MMS22L: variants seen among roughly 807,000 people sequenced by gnomAD.
MMS22L encodes the protein MMS22 like, DNA repair protein.
MMS22L carries 74 observed loss-of-function variants against 159.1 expected under a neutral mutation model. The observed-to-expected ratio is 0.47, with a 90% CI of 0.39 to 0.56. MMS22L has a LOEUF of 0.56. Among genes scored for constraint, MMS22L ranks in the 20% least tolerant of loss-of-function variants. The pLI, the probability that MMS22L is intolerant of heterozygous loss-of-function variation, is 0.00. For synonymous variants in MMS22L, 517 were observed against 506.9 expected, an observed-to-expected ratio of 1.02 and a Z score of -0.27; for missense variants, 1,351 against 1,422.1, an observed-to-expected ratio of 0.95 and a Z score of 0.80.
At chr6:97,270,750 C>T (rs890883259) in intron 6 of MMS22L, 6 of 152,116 alleles carry the variant, frequency 3.9e-5, no homozygotes, top group African/African-American at 1.4e-4. Context: ...ACAGCAAGAA[C>T]AGACAAGACA....
chr6:97,195,624 TAG>T (rs776605217), intron 14 of MMS22L, among the ~76,000 whole-genome samples: 10 of 152,188 alleles, frequency 6.6e-5, no homozygotes, highest in Admixed American at 1.3e-4. Flanking sequence ...TGTCTGATGC[TAG>T]AGATACAAAA....
At chr6:97,267,795 C>A in intron 8 of MMS22L, 77 bp downstream of exon 8, 1 of 1,254,114 alleles carries the variant, frequency 8.0e-7, no homozygotes, top group South Asian at 2.8e-5. Flanking sequence ...AGTTTAAATT[C>A]TTACAGATTA....
At chr6:97,212,533 C>T (rs998730424) in intron 14 of MMS22L, among the ~76,000 whole-genome samples, 2 of 152,104 alleles carry the variant, frequency 1.3e-5, no homozygotes, top group Admixed American at 1.3e-4. Context: ...TAAAAGCAAT[C>T]ACCGCTAGGT....
intron 14 of MMS22L, among the ~76,000 whole-genome samples, chr6:97,210,568 G>A (rs1808262573): frequency 6.6e-6 from 1 of 151,748 alleles, no homozygotes; most frequent in African/African-American, 2.4e-5. Flanking sequence ...CAAGTTCCTG[G>A]TGCCCACTAG....
At position 97,283,124 on chromosome 6, in the gene MMS22L, G is replaced by A. The variant is rs1228260836; in HGVS notation, c.-105C>T. 1 of 152,266 alleles carries A rather than the reference G, an allele frequency of 6.6e-6. No individual in the cohort carries two copies. The highest frequency in any genetic ancestry group is 2.4e-5 in the African/African-American group (1 of 41,462). 9.4% of individuals were successfully genotyped at this position (152,266 alleles called of 1,614,324 possible). A position where few individuals can be genotyped will look rare whatever the true frequency, so the allele number is the denominator to read the frequency against. On this transcript the variant is annotated 5_prime_UTR_variant, in exon 1 of 25. Transcript: ENST00000683635. ...CTCACATTTCCAGCTCCCGAAACCTGCCTCCTGTGACCCAGACCACCAACA... is the reference window on the plus strand; with the variant it reads ...CTCACATTTCCAGCTCCCGAAACCTACCTCCTGTGACCCAGACCACCAACA...
chr6:97,187,834 T>C (rs1805411163), intron 14 of MMS22L, among the ~76,000 whole-genome samples: 1 of 152,168 alleles, frequency 6.6e-6, no homozygotes, highest in Non-Finnish European at 1.5e-5. Context: ...ATATTTCGCA[T>C]AACTACCCAA....
rs753770730 is a variant in MMS22L, at chr6:97,151,812, C to T, written c.3441G>A (p.Gly1147=). Residue 1147 remains glycine (G), a synonymous_variant, in exon 23 of 25, where the codon GGG becomes GGA. Coordinates refer to ENST00000683635, the MANE Select transcript of MMS22L (RefSeq NM_001350599.2). ...GCTGGGAGGAAGGTTCTTCTTCTGA[C>T]CCCACTTGGCAGGCTTTTACCATGT... ...LQYMVKACQV[G]SEEEPSSQLT... is the part of the protein sequence containing the mutation. 15 of 1,613,602 alleles carry T rather than the reference C, an allele frequency of 9.3e-6. No individual in the cohort carries two copies. Among genetic ancestry groups the T allele is most frequent in the Non-Finnish European group, 1.3e-5 (15 of 1,179,634 alleles).
intron 22 of MMS22L, among the ~76,000 whole-genome samples, chr6:97,153,833 G>C (rs1801572688): frequency 6.6e-6 from 1 of 152,016 alleles, no homozygotes; most frequent in Admixed American, 6.6e-5. Context: ...ATATTCCATT[G>C]TATAAATATA....
At position 97,165,288 on chromosome 6, in the gene MMS22L, G is replaced by A. The variant is rs190968515; in HGVS notation, c.3179C>T (p.Pro1060Leu). Reference sequence around the variant, plus strand: ...GCATTTCTTTAGAGATGATATTGGTGGAATAGTGGCTGTGTTTCTCAATGC... The same window carrying A: ...GCATTTCTTTAGAGATGATATTGGTAGAATAGTGGCTGTGTTTCTCAATGC... ...LLALRNTATIPPISSLKKCIV... is the reference protein window; with the variant it reads ...LLALRNTATILPISSLKKCIV... Residue 1060 changes from proline (P) to leucine (L), a missense_variant, in exon 21 of 25, where the codon CCA (proline) becomes CTA (leucine). Pro to Leu is a moderately conservative substitution (Grantham distance 98). Transcript: ENST00000683635. 6.2e-6 allele frequency: 10 copies of A among 1,613,162 alleles called. No individual in the cohort carries two copies. The highest frequency in any genetic ancestry group is 8.5e-6 in the Non-Finnish European group (10 of 1,179,482).
At chr6:97,281,502 CA>C in intron 2 of MMS22L, 140 bp from the exon 3 acceptor site, 2 of 619,700 alleles carry the variant, frequency 3.2e-6, no homozygotes, top group Non-Finnish European at 5.4e-6. Context: ...TTTACACATT[CA>C]AGATTACAAT....
At chr6:97,224,866 T>A (rs1440332520) in intron 14 of MMS22L, among the ~76,000 whole-genome samples, 6 of 151,944 alleles carry the variant, frequency 3.9e-5, no homozygotes, top group African/African-American at 1.4e-4. Context: ...TATATGCATG[T>A]AACAAAACTG....
chr6:97,182,962 T>C (rs1045263797), intron 15 of MMS22L, among the ~76,000 whole-genome samples: 2 of 152,152 alleles, frequency 1.3e-5, no homozygotes, highest in Admixed American at 6.5e-5. Flanking sequence ...TAATCTTTTG[T>C]GATTATTTTT....
At chr6:97,233,792 TA>T in intron 12 of MMS22L, 68 bp downstream of exon 12, 1 of 1,494,792 alleles carries the variant, frequency 6.7e-7, no homozygotes, top group Non-Finnish European at 8.9e-7. Flanking sequence ...AATTAAACCA[TA>T]AAGACATTCC....
chr6:97,219,834 T>G (rs1223658023), intron 14 of MMS22L, among the ~76,000 whole-genome samples: 1 of 152,182 alleles, frequency 6.6e-6, no homozygotes, highest in Non-Finnish European at 1.5e-5. Flanking sequence ...TACTGGCTCC[T>G]CCCATATATG....
At chr6:97,243,935 G>A (rs1383987717) in intron 11 of MMS22L, among the ~76,000 whole-genome samples, 1 of 152,100 alleles carries the variant, frequency 6.6e-6, no homozygotes, top group East Asian at 1.9e-4. Context: ...AGGTCTCTCA[G>A]CCGTGGATAC....
intron 14 of MMS22L, among the ~76,000 whole-genome samples, chr6:97,210,726 T>C (rs1487803196): frequency 1.3e-5 from 2 of 151,932 alleles, no homozygotes; most frequent in Admixed American, 6.6e-5. Flanking sequence ...AATCTCTAAA[T>C]TAGGCAAAAT....
Position 97,179,565 on chromosome 6 carries a change from G to T in MMS22L, c.2385-6C>A. The T allele has an allele frequency of 6.3e-7, 1 of 1,587,988 alleles. No homozygotes were observed. The highest frequency in any genetic ancestry group is 8.5e-7 in the Non-Finnish European group (1 of 1,170,682). ...AAAGTGCTTCACATAATGTGCTGTA[G>T]AAACAAATTGACAAATATTTTTAAA... On this transcript the variant is annotated splice_polypyrimidine_tract_variant and splice_region_variant and intron_variant, in intron 16 of 24. Coordinates refer to ENST00000683635, the MANE Select transcript of MMS22L (RefSeq NM_001350599.2).
intron 14 of MMS22L, among the ~76,000 whole-genome samples, chr6:97,193,781 GA>G (rs1191983362): frequency 6.6e-6 from 1 of 152,120 alleles, no homozygotes; most frequent in Admixed American, 6.5e-5. Context: ...TATTTTTTGA[GA>G]CGGAGTCTCG....
In MMS22L at chr6:97,206,598, G is replaced by C. The variant is rs545651622; in HGVS notation, c.2040-19908C>G. On this transcript the variant is annotated intron_variant, in intron 14 of 24. Transcript: ENST00000683635. The stretch of plus-strand genomic sequence containing the variant: ...GGTGTTTGTATCTATCATAATTCTT[G>C]TCCTAACAGTCAAACAATATACCTA... 5.4e-4 allele frequency among the ~76,000 whole-genome samples: 82 copies of C among 152,166 alleles called. 1 individual carries two copies. Among genetic ancestry groups the C allele is most frequent in the African/African-American group, 1.9e-3 (80 of 41,514 alleles).
Sources: gnomAD v4.1 joint callset for allele counts (sites outside exome capture counted in the v4.1 genomes callset) on GRCh38, gnomAD v4.1.1 for gene constraint, MANE v1.5 for transcripts, NCBI Gene and HGNC (gene_info 2026-07-23, HGNC 2026-07-21) for gene names.